The following ERC2 variants were observed in gnomAD, a reference collection of about 807,000 sequenced individuals.
ERC2 encodes ELKS/RAB6-interacting/CAST family member 2, also known as ERC protein 2.
A neutral mutation model predicts 114.8 loss-of-function variants in ERC2; 42 were observed. That is an observed-to-expected ratio of 0.37 (90% CI 0.29 to 0.47). The LOEUF is 0.47. Among genes scored for constraint, ERC2 ranks in the 20% least tolerant of loss-of-function variants. ERC2 has a pLI of 0.99. For missense variants in ERC2, 939 were observed against 1,150.7 expected (o/e 0.82, Z 2.66); for synonymous variants, 454 against 425.5 (o/e 1.07, Z -0.82).
At chr3:56,366,145 A>T (rs2059141831) in intron 2 of ERC2, among the ~76,000 whole-genome samples, 1 of 152,090 alleles carries the variant, frequency 6.6e-6, no homozygotes. Context: ...CATGTAAGAT[A>T]CTCTGCTTCT....
At chr3:56,218,715 A>G (rs55853651) in intron 3 of ERC2, among the ~76,000 whole-genome samples, 46,278 of 152,132 alleles carry the variant, frequency 0.3, 8,577 homozygotes, top group Middle Eastern at 0.43. Context: ...GCACTATTAC[A>G]ATAGCAAAGA....
chr3:56,393,930 G>A (rs2060214836), intron 2 of ERC2, among the ~76,000 whole-genome samples: 1 of 151,770 alleles, frequency 6.6e-6, no homozygotes, highest in African/African-American at 2.4e-5. Flanking sequence ...ACAAGGCCTG[G>A]GATAAGCTAC....
At chr3:55,779,327 C>CAAAAAAAAAAA (rs60185894) in intron 14 of ERC2, among the ~76,000 whole-genome samples, 21 of 62,444 alleles carry the variant, frequency 3.4e-4, no homozygotes, top group East Asian at 5.8e-4. Context: ...ACTAAAAATA[C>CAAAAAAAAAAA]AAAAAAAAAA....
intron 3 of ERC2, among the ~76,000 whole-genome samples, chr3:56,279,411 C>A (rs909198129): frequency 2.6e-5 from 4 of 152,086 alleles, no homozygotes; most frequent in Admixed American, 2.6e-4. Context: ...GTGAGGATAT[C>A]CAGAGAAGGT....
At chr3:56,240,348 C>G (rs2051243870) in intron 3 of ERC2, among the ~76,000 whole-genome samples, 1 of 152,134 alleles carries the variant, frequency 6.6e-6, no homozygotes, top group Non-Finnish European at 1.5e-5. Flanking sequence ...AGAACATTAA[C>G]TGAGATGTGT....
chr3:55,903,522 C>T (rs1464724192), intron 13 of ERC2, among the ~76,000 whole-genome samples: 1 of 151,740 alleles, frequency 6.6e-6, no homozygotes, highest in Non-Finnish European at 1.5e-5. Flanking sequence ...CTTATTTTTC[C>T]TCTCATTTCT....
chr3:56,282,678 G>GTGCTGCTGCTGCTGCTGCTGCTGC (rs57092549), intron 3 of ERC2, among the ~76,000 whole-genome samples: 27 of 151,102 alleles, frequency 1.8e-4, no homozygotes, highest in African/African-American at 6.1e-4. Context: ...TCTAACAGTG[G>GTGCTGCTGCTGCTGCTGCTGCTGC]TGCTGCTGCT....
chr3:56,287,055 C>T (rs143551651), intron 3 of ERC2, among the ~76,000 whole-genome samples: 128 of 152,294 alleles, frequency 8.4e-4, no homozygotes, highest in Middle Eastern at 3.4e-3. Context: ...TTAAGAGACC[C>T]CTCAACCTAC....
rs772806120 is a variant in ERC2 at position 55,900,569 on chromosome 3, A to G, written c.2404-12020T>C. 7.2e-5 allele frequency among the ~76,000 whole-genome samples: 11 copies of G among 152,326 alleles called. No individual in the cohort carries two copies. In the East Asian group the frequency reaches 2.1e-3, roughly 29 times the overall value. ...TGACTTGGCTCTGGAAGAGACACCT[A>G]TTGATGATGACAAATTTCTATCAGC... On this transcript the variant is annotated intron_variant, in intron 13 of 17. Coordinates refer to ENST00000288221, the MANE Select transcript of ERC2 (RefSeq NM_015576.3).
At chr3:56,406,401 T>G (rs6763636) in intron 2 of ERC2, among the ~76,000 whole-genome samples, 67,991 of 151,786 alleles carry the variant, frequency 0.45, 16,274 homozygotes, top group African/African-American at 0.6. Context: ...GGGGCTACAG[T>G]CCCCAGGGAT....
At chr3:55,729,837 CAAAAAAAAAA>C (rs71096498) in intron 15 of ERC2, among the ~76,000 whole-genome samples, 16 of 61,632 alleles carry the variant, frequency 2.6e-4, no homozygotes, top group African/African-American at 7.7e-4. Context: ...GACTCTATCG[CAAAAAAAAAA>C]AAAAAAAAAA....
intron 5 of ERC2, 36 bp from the exon 6 acceptor site, chr3:56,139,712 A>G (rs2080735063): frequency 7.7e-6 from 12 of 1,555,822 alleles, no homozygotes; most frequent in Non-Finnish European, 1.0e-5. Flanking sequence ...GAAATTAGAA[A>G]TTGCTGCCCC....
At chr3:55,953,245 T>C (rs2067705082) in intron 12 of ERC2, among the ~76,000 whole-genome samples, 1 of 149,590 alleles carries the variant, frequency 6.7e-6, no homozygotes, top group African/African-American at 2.5e-5. Flanking sequence ...AAAAATGGGG[T>C]ACTCTAGTTT....
At chr3:56,067,378 G>A (rs2076530708) in intron 7 of ERC2, among the ~76,000 whole-genome samples, 1 of 152,116 alleles carries the variant, frequency 6.6e-6, no homozygotes, top group Non-Finnish European at 1.5e-5. Context: ...AGGAATGCTT[G>A]TGATTTTGCA....
At chr3:56,169,651 A>G (rs368758061) in intron 4 of ERC2, among the ~76,000 whole-genome samples, 4 of 152,138 alleles carry the variant, frequency 2.6e-5, no homozygotes, top group African/African-American at 9.6e-5. Flanking sequence ...CTGAAGCAAT[A>G]CCCCTGTTTT....
At chr3:55,535,016 A>C (rs2053910758) in intron 17 of ERC2, among the ~76,000 whole-genome samples, 1 of 152,198 alleles carries the variant, frequency 6.6e-6, no homozygotes, top group South Asian at 2.1e-4. Flanking sequence ...AAGTCACTCG[A>C]CCATCAACCA....
At chr3:56,123,540 C>T (rs1046757780) in intron 6 of ERC2, among the ~76,000 whole-genome samples, 12 of 151,836 alleles carry the variant, frequency 7.9e-5, no homozygotes, top group Non-Finnish European at 1.0e-4. Flanking sequence ...ACTATCCTTC[C>T]GAAACATATA....
chr3:55,576,708 C>T (rs945738688), intron 17 of ERC2, among the ~76,000 whole-genome samples: 2 of 152,262 alleles, frequency 1.3e-5, no homozygotes, highest in African/African-American at 4.8e-5. Flanking sequence ...AGCTCACAGC[C>T]GTCCCCTGTA....
chr3:55,892,419 G>C (rs898688322), intron 13 of ERC2, among the ~76,000 whole-genome samples: 8 of 152,140 alleles, frequency 5.3e-5, no homozygotes, highest in African/African-American at 1.7e-4. Context: ...CTACCCTGGG[G>C]GGCTGAGGCA....
Sources: allele counts gnomAD v4.1 joint callset (sites outside exome capture counted in the v4.1 genomes callset), GRCh38; gene constraint gnomAD v4.1.1; transcripts MANE v1.5; gene names NCBI Gene and HGNC (gene_info 2026-07-23, HGNC 2026-07-21).